The following OMG variants were observed in gnomAD, a reference collection of about 807,000 sequenced individuals.
OMG encodes oligodendrocyte-myelin glycoprotein.
OMG carries 9 observed loss-of-function variants against 26.2 expected under a neutral mutation model. The observed-to-expected ratio is 0.34, with a 90% CI of 0.21 to 0.60. The LOEUF is 0.60. Among genes scored for constraint, OMG ranks in the 20% least tolerant of loss-of-function variants. The pLI is 0.80. For synonymous variants in OMG, 179 were observed against 190.4 expected, an observed-to-expected ratio of 0.94 and a Z score of 0.49; for missense variants, 402 against 513.6, an observed-to-expected ratio of 0.78 and a Z score of 2.10.
Position 31,295,496 on chromosome 17 carries a change from G to C in OMG, c.836C>G (p.Thr279Ser). The change falls in exon 2 of 2, where the codon ACT (threonine) becomes AGT (serine). Residue 279 changes from threonine (T) to serine (S), a missense_variant. Physicochemically the swap from Thr to Ser is moderately conservative, Grantham distance 58. Around this residue, in one of 3 missense-constraint regions of OMG, gnomAD observed 247 missense variants for 274.7 expected, o/e 0.90. Transcript: ENST00000247271. The part of the protein sequence containing the change: ...TPSGFTSSLF[T>S]VSGMQTVDTI... ...GTCCACTGTCTGCATCCCACTTACA[G>C]TGAATAAGCTTGAGGTAAATCCAGA... 6.2e-7 allele frequency: 1 copy of C among 1,614,162 alleles called. No homozygotes were observed.
In OMG at chr17:31,294,772, T is replaced by A. The variant is rs763510709; in HGVS notation, c.*237A>T. 89 of 560,108 alleles carry A rather than the reference T, an allele frequency of 1.6e-4. No individual in the cohort carries two copies. The highest frequency in any genetic ancestry group is 9.8e-4 in the Middle Eastern group (2 of 2,038). 34.7% of individuals were successfully genotyped at this position (560,108 alleles called of 1,614,324 possible). A position where few individuals can be genotyped will look rare whatever the true frequency, so the allele number is the denominator to read the frequency against. On this transcript the variant is annotated 3_prime_UTR_variant, in exon 2 of 2. Transcript: ENST00000247271. Reference sequence around the variant, plus strand: ...AAGCCTTAAAACATTTCATTTTTTTTATAAAAGAAACTCATTAGTTTACTT... The same window carrying A: ...AAGCCTTAAAACATTTCATTTTTTTAATAAAAGAAACTCATTAGTTTACTT...
rs142312083 is a variant in OMG, at chr17:31,295,953, A to G, written c.379T>C (p.Tyr127His). Residue 127 changes from tyrosine (Y) to histidine (H), a missense_variant, in exon 2 of 2, where the codon TAT becomes CAT. Physicochemically the swap from Tyr to His is moderately conservative, Grantham distance 83. Transcript: ENST00000247271. ...AGCATGTTCTTAGAAACATCCAGAT[A>G]TTTAAGATTCCACTGATAAGCAGTA... Reference protein sequence around the residue: ...SDTAYQWNLKYLDVSKNMLEK... With the variant: ...SDTAYQWNLKHLDVSKNMLEK... 1.1e-5 allele frequency: 18 copies of G among 1,614,020 alleles called. No homozygotes were observed. Among genetic ancestry groups the G allele is most frequent in the Admixed American group, 3.3e-5 (2 of 59,996 alleles).
Position 31,295,361 on chromosome 17 carries a change from A to G in OMG, c.971T>C (p.Phe324Ser), listed in dbSNP as rs891353744. 4 of 1,614,010 alleles carry G rather than the reference A, an allele frequency of 2.5e-6. No individual in the cohort carries two copies. Among genetic ancestry groups the G allele is most frequent in the Non-Finnish European group, 3.4e-6 (4 of 1,179,974 alleles). ...FGATLSKDTT[F>S]TSTDKAFVPY... ...CACAAAAGCCTTATCAGTGCTAGTA[A>G]AGGTGGTGTCTTTGCTTAGAGTGGC... The change falls in exon 2 of 2, where the codon TTT becomes TCT. Residue 324 changes from phenylalanine to serine, a missense_variant. Coordinates refer to ENST00000247271, the MANE Select transcript of OMG (RefSeq NM_002544.5).
Position 31,294,785 on chromosome 17 carries a change from C to A in OMG, c.*224G>T. 3.4e-6 allele frequency: 2 copies of A among 582,184 alleles called. No individual in the cohort carries two copies. The highest frequency in any genetic ancestry group is 6.0e-6 in the Non-Finnish European group (2 of 330,848). 36.1% of individuals were successfully genotyped at this position (582,184 alleles called of 1,614,324 possible). A position where few individuals can be genotyped will look rare whatever the true frequency, so the allele number is the denominator to read the frequency against. ...TTTCATTTTTTTTATAAAAGAAACTCATTAGTTTACTTAATTAAGACAGTA... is the reference window on the plus strand; with the variant it reads ...TTTCATTTTTTTTATAAAAGAAACTAATTAGTTTACTTAATTAAGACAGTA... On this transcript the variant is annotated 3_prime_UTR_variant, in exon 2 of 2. Coordinates refer to ENST00000247271, the MANE Select transcript of OMG (RefSeq NM_002544.5).
chr17:31,295,269 TAGTTAG>T lies in OMG; in HGVS notation c.1057_1062del (p.Leu353_Thr354del), dbSNP rs2068438551. On this transcript the variant is annotated inframe_deletion, in exon 2 of 2. Transcript: ENST00000247271. Reference sequence around the variant, plus strand: ...GTGACCATTCCATCTTGGAGATGAATAGTTAGAGTTGCAGCTGCTGCTTCATGTGAA... The same window carrying T: ...GTGACCATTCCATCTTGGAGATGAATAGTTGCAGCTGCTGCTTCATGTGAA... The T allele has an allele frequency of 6.2e-7, 1 of 1,613,994 alleles. No individual in the cohort carries two copies. Among genetic ancestry groups the T allele is most frequent in the South Asian group, 1.1e-5 (1 of 91,084 alleles).
rs1451022945 is a variant in OMG at position 31,295,828 on chromosome 17, T to C, written c.504A>G (p.Lys168=). ...TATTAGACAGGTCCACGATATGTAG[T>C]TTGGAGGGCATGTTGGTTGGAACTG... ...LWTVPTNMPS[K]LHIVDLSNNS... The change falls in exon 2 of 2, where the codon AAA becomes AAG. Residue 168 remains lysine (K), a synonymous_variant. Coordinates refer to ENST00000247271, the MANE Select transcript of OMG (RefSeq NM_002544.5). 1 of 1,614,050 alleles carries C rather than the reference T, an allele frequency of 6.2e-7. No homozygotes were observed. Among genetic ancestry groups the C allele is most frequent in the African/African-American group, 1.3e-5 (1 of 74,924 alleles).
Position 31,295,756 on chromosome 17 carries a change from A to T in OMG, c.576T>A (p.Asn192Lys). 1 of 1,614,140 alleles carries T rather than the reference A, an allele frequency of 6.2e-7. No homozygotes were observed. Among genetic ancestry groups the T allele is most frequent in the South Asian group, 1.1e-5 (1 of 91,078 alleles). ...ILPGTLINLT[N>K]LTHLYLHNNK... The stretch of plus-strand genomic sequence containing the variant: ...TGTTGTGCAGGTAAAGATGTGTGAG[A>T]TTTGTCAGGTTTATTAATGTACCTG... The change falls in exon 2 of 2, where the codon AAT becomes AAA. Residue 192 changes from asparagine to lysine, a missense_variant. By Grantham distance (94) the Asn-to-Lys change is moderately conservative. Coordinates refer to ENST00000247271, the MANE Select transcript of OMG (RefSeq NM_002544.5).
Position 31,296,135 on chromosome 17 carries a change from T to G in OMG, c.197A>C (p.His66Pro). 1 of 1,610,758 alleles carries G rather than the reference T, an allele frequency of 6.2e-7. No individual in the cohort carries two copies. Among genetic ancestry groups the G allele is most frequent in the Non-Finnish European group, 8.5e-7 (1 of 1,177,884 alleles). ...TAACTGGTTATGCAGATCAGTAAAG[T>G]GGTTATAAGACAGGTTTAAATGTAT... ...NIIHLNLSYN[H>P]FTDLHNQLTQ... Residue 66 changes from histidine to proline, a missense_variant, in exon 2 of 2, where the codon CAC (histidine) becomes CCC (proline). By Grantham distance (77) the His-to-Pro change is moderately conservative. This residue lies in a region of OMG where 65 missense variants were observed against 80.0 expected (regional missense o/e 0.81). Coordinates refer to ENST00000247271, the MANE Select transcript of OMG (RefSeq NM_002544.5).
chr17:31,294,841 T>C lies in OMG; in HGVS notation c.*168A>G. The C allele has an allele frequency of 1.2e-6, 1 of 810,292 alleles. No homozygotes were observed. The highest frequency in any genetic ancestry group is 1.6e-5 in the South Asian group (1 of 63,210). The allele number at this position is 810,292 out of a possible 1,614,324, so 50.2% of individuals were successfully genotyped here. On this transcript the variant is annotated 3_prime_UTR_variant, in exon 2 of 2. Transcript: ENST00000247271. ...GCAGCAAGTACCAAGACATTGTGCATTTCTTTTATTTAAGACAAGTTACTT... is the reference window on the plus strand; with the variant it reads ...GCAGCAAGTACCAAGACATTGTGCACTTCTTTTATTTAAGACAAGTTACTT...
rs1214310582 is a variant in OMG, at chr17:31,296,285, A to G, written c.47T>C (p.Leu16Pro). The G allele has an allele frequency of 6.2e-7, 1 of 1,614,074 alleles. No individual in the cohort carries two copies. The highest frequency in any genetic ancestry group is 2.2e-5 in the East Asian group (1 of 44,884). The stretch of plus-strand genomic sequence containing the variant: ...GCATAAAATACCAGGTGTGAGAAAC[A>G]GAAGGATGAACAGGCAGAGAGACAT... ...LKMSLCLFIL[L>P]FLTPGILCIC... is the part of the protein sequence containing the mutation. Residue 16 changes from leucine to proline, a missense_variant, in exon 2 of 2, where the codon CTG (leucine) becomes CCG (proline). Around this residue, in one of 3 missense-constraint regions of OMG, gnomAD observed 65 missense variants for 80.0 expected, o/e 0.81. Transcript: ENST00000247271.
intron 1 of OMG, chr17:31,296,544 A>T (rs1393838592): frequency 1.8e-6 from 1 of 567,584 alleles, no homozygotes. Context: ...GTAGAGAGAG[A>T]CTCTCTCCCT....
chr17:31,295,576 A>G lies in OMG; in HGVS notation c.756T>C (p.Thr252=). ...MMETKAHVIG[T]PCSTQISSLK... is the part of the protein sequence containing the mutation. Reference sequence around the variant, plus strand: ...AAGATGATATTTGGGTAGAACATGGAGTCCCTATCACATGGGCTTTTGTTT... The same window carrying G: ...AAGATGATATTTGGGTAGAACATGGGGTCCCTATCACATGGGCTTTTGTTT... The change falls in exon 2 of 2, where the codon ACT becomes ACC. Residue 252 remains threonine (T), a synonymous_variant. Coordinates refer to ENST00000247271, the MANE Select transcript of OMG (RefSeq NM_002544.5). The G allele has an allele frequency of 1.2e-6, 2 of 1,614,168 alleles. No homozygotes were observed. Among genetic ancestry groups the G allele is most frequent in the Non-Finnish European group, 1.7e-6 (2 of 1,180,008 alleles).
chr17:31,295,366 G>A lies in OMG; in HGVS notation c.966C>T (p.Thr322=). 18 of 1,614,044 alleles carry A rather than the reference G, an allele frequency of 1.1e-5. No homozygotes were observed. The highest frequency in any genetic ancestry group is 1.5e-5 in the Non-Finnish European group (18 of 1,179,998). The change falls in exon 2 of 2, where the codon ACC becomes ACT. Residue 322 remains threonine (T), a synonymous_variant. Transcript: ENST00000247271. ...AAGCCTTATCAGTGCTAGTAAAGGT[G>A]GTGTCTTTGCTTAGAGTGGCACCAA... The part of the protein sequence containing the change: ...TTFGATLSKD[T]TFTSTDKAFV...
At chr17:31,296,445 A>G (rs1041416744) in intron 1 of OMG, 108 bp from the exon 2 acceptor site, 1 of 1,012,278 alleles carries the variant, frequency 9.9e-7, no homozygotes, top group Non-Finnish European at 1.6e-6. Context: ...GTTGTTGTCG[A>G]GTCCTTTTAT....
chr17:31,294,660 C>T lies in OMG; in HGVS notation c.*349G>A, dbSNP rs765307981. The T allele has an allele frequency of 2.2e-5, 7 of 321,208 alleles. No homozygotes were observed. Among genetic ancestry groups the T allele is most frequent in the Non-Finnish European group, 4.2e-5 (7 of 168,322 alleles). The allele number at this position is 321,208 out of a possible 1,614,324, so 19.9% of individuals were successfully genotyped here. ...CAAATGACACAGTTATGAGCATAGA[C>T]CTTTTATTTTCCAGATGTTTGACAG... On this transcript the variant is annotated 3_prime_UTR_variant, in exon 2 of 2. Transcript: ENST00000247271.
chr17:31,295,351 A>C lies in OMG; in HGVS notation c.981T>G (p.Thr327=), dbSNP rs778939303. The change falls in exon 2 of 2, where the codon ACT becomes ACG. Residue 327 remains threonine (T), a synonymous_variant. Transcript: ENST00000247271. ...CTGGATAGGGCACAAAAGCCTTATC[A>C]GTGCTAGTAAAGGTGGTGTCTTTGC... ...TLSKDTTFTS[T]DKAFVPYPED... 1 of 1,614,014 alleles carries C rather than the reference A, an allele frequency of 6.2e-7. No homozygotes were observed. Among genetic ancestry groups the C allele is most frequent in the South Asian group, 1.1e-5 (1 of 91,086 alleles).
At chr17:31,296,531 G>A (rs774324682) in intron 1 of OMG, 194 bp from the exon 2 acceptor site, 4 of 597,250 alleles carry the variant, frequency 6.7e-6, no homozygotes, top group Non-Finnish European at 1.2e-5. Context: ...ATTGGGCTAT[G>A]TGGTAGAGAG....
chr17:31,296,541 G>A, intron 1 of OMG: 1 of 585,000 alleles, frequency 1.7e-6, no homozygotes, highest in Non-Finnish European at 3.1e-6. Flanking sequence ...GTGGTAGAGA[G>A]AGACTCTCTC....
intron 1 of OMG, chr17:31,296,632 C>G (rs2068472262): frequency 5.3e-6 from 2 of 376,136 alleles, no homozygotes; most frequent in East Asian, 5.6e-5. Flanking sequence ...ATTTATCTTT[C>G]TAGAGCCTTA....
Sources: allele counts gnomAD v4.1 joint callset, GRCh38; gene constraint gnomAD v4.1.1; regional missense constraint gnomAD v4.1.1; transcripts MANE v1.5; gene names NCBI Gene and HGNC (gene_info 2026-07-23, HGNC 2026-07-21).